The following DYRK1A variants were observed in gnomAD, a reference collection of about 807,000 sequenced individuals.
DYRK1A encodes dual specificity tyrosine-phosphorylation-regulated kinase 1A.
A neutral mutation model predicts 79.7 loss-of-function variants in DYRK1A; 9 were observed. The ratio of observed to expected loss-of-function variants is 0.11; its 90% CI spans 0.07 to 0.20. The LOEUF is 0.20. Among genes scored for constraint, DYRK1A ranks in the 10% least tolerant of loss-of-function variants. The probability of loss-of-function intolerance (pLI) is 1.00; values close to 1 mark genes in which losing one functional copy is unlikely to be tolerated. For missense variants in DYRK1A, 622 were observed against 956.0 expected (o/e 0.65, Z 4.61); for synonymous variants, 349 against 329.7 (o/e 1.06, Z -0.63).
rs561379009 is a variant in DYRK1A at position 37,371,882 on chromosome 21, C to G, written c.-77+4254C>G. On this transcript the variant is annotated intron_variant, in intron 1 of 11. Transcript: ENST00000647188. ...TAACATCCCTGTTCATTAAATAACCCCCTAATTTTTCTTGAGTGTATAACA... is the reference window on the plus strand; with the variant it reads ...TAACATCCCTGTTCATTAAATAACCGCCTAATTTTTCTTGAGTGTATAACA... 1.3e-3 allele frequency among the ~76,000 whole-genome samples: 198 copies of G among 152,132 alleles called. 1 individual carries two copies. Among genetic ancestry groups the G allele is most frequent in the Admixed American group, 3.9e-3 (60 of 15,278 alleles).
At chr21:37,505,191 C>CAT in intron 9 of DYRK1A, 92 bp from the exon 10 acceptor site, 1 of 1,066,552 alleles carries the variant, frequency 9.4e-7, no homozygotes, top group South Asian at 1.6e-5. Flanking sequence ...AAGGCCTCAA[C>CAT]ATATATATTT....
At chr21:37,505,769 G>T (rs769705139) in intron 10 of DYRK1A, among the ~76,000 whole-genome samples, 180 bp downstream of exon 10, 11 of 152,122 alleles carry the variant, frequency 7.2e-5, no homozygotes, top group Non-Finnish European at 1.0e-4. Flanking sequence ...ATTTAGTTAC[G>T]CATGTAATAA....
In DYRK1A at chr21:37,370,493, C is replaced by G. The variant is rs144189662; in HGVS notation, c.-77+2865C>G. On this transcript the variant is annotated intron_variant, in intron 1 of 11. Coordinates refer to ENST00000647188, the MANE Select transcript of DYRK1A (RefSeq NM_001347721.2). ...AAGAGTGGGCTTCACTTGTGACTTT[C>G]TTGGTATTTGTGATTAGGCGTGTGC... 7.0e-3 allele frequency among the ~76,000 whole-genome samples: 1,070 copies of G among 152,210 alleles called. 14 individuals carry two copies. The highest frequency in any genetic ancestry group is 0.025 in the African/African-American group (1,027 of 41,522).
In DYRK1A at chr21:37,403,652, T is replaced by A. The variant is rs1361964158; in HGVS notation, c.-76-16647T>A. Among the ~76,000 whole-genome samples the A allele has an allele frequency of 2.6e-4, 25 of 96,350 alleles. No individual in the cohort carries two copies. In the South Asian group the frequency reaches 3.5e-3, roughly 14 times the overall value. 63.2% of individuals were successfully genotyped at this position (96,350 alleles called of 152,430 possible). On this transcript the variant is annotated intron_variant, in intron 1 of 11. Coordinates refer to ENST00000647188, the MANE Select transcript of DYRK1A (RefSeq NM_001347721.2). ...AGCTAATTAAAAAAAAAAAAAAATA[T>A]ATATATATATATGTGTGTGTGTGTG...
chr21:37,506,705 TGAA>T (rs1452814494), intron 11 of DYRK1A, among the ~76,000 whole-genome samples: 1 of 152,254 alleles, frequency 6.6e-6, no homozygotes, highest in Non-Finnish European at 1.5e-5. Flanking sequence ...TTAAACCTGT[TGAA>T]GAGGATCTAA....
chr21:37,420,797 A>G (rs1194037361), intron 2 of DYRK1A, among the ~76,000 whole-genome samples: 1 of 151,958 alleles, frequency 6.6e-6, no homozygotes, highest in Non-Finnish European at 1.5e-5. Flanking sequence ...AGGATATTAT[A>G]CCCATACATA....
At chr21:37,496,328 A>C in intron 9 of DYRK1A, 70 bp downstream of exon 9, 24 of 1,458,494 alleles carry the variant, frequency 1.6e-5, no homozygotes, top group South Asian at 2.7e-5. Flanking sequence ...TTTATAGCTC[A>C]TTTTGCATTT....
intron 1 of DYRK1A, among the ~76,000 whole-genome samples, chr21:37,401,395 T>G (rs1379143906): frequency 1.3e-5 from 2 of 152,188 alleles, no homozygotes; most frequent in African/African-American, 2.4e-5. Flanking sequence ...CTGCCTGTTT[T>G]TTACCTTTTA....
chr21:37,458,783 C>T (rs556914338), intron 2 of DYRK1A, among the ~76,000 whole-genome samples: 2 of 152,310 alleles, frequency 1.3e-5, no homozygotes, highest in South Asian at 4.1e-4. Flanking sequence ...ATATAGAGAG[C>T]AGGCCGAGGT....
chr21:37,385,475 A>G lies in DYRK1A; in HGVS notation c.-77+17847A>G, dbSNP rs374570263. On this transcript the variant is annotated intron_variant, in intron 1 of 11. Transcript: ENST00000647188. ...CCATGTGGTCCTTTCTGACACACCC[A>G]CTTACTTTTGCAAAGCCAGTAAAAG... 1.3e-4 allele frequency among the ~76,000 whole-genome samples: 20 copies of G among 152,338 alleles called. No homozygotes were observed. In the East Asian group the frequency reaches 2.5e-3, roughly 19 times the overall value.
intron 1 of DYRK1A, among the ~76,000 whole-genome samples, chr21:37,396,066 C>G (rs540090389): frequency 8.4e-4 from 128 of 152,244 alleles, no homozygotes; most frequent in African/African-American, 2.3e-3. Flanking sequence ...TATCTGTTTT[C>G]TGTGTAGTGC....
rs553304661 is a variant in DYRK1A at position 37,516,395 on chromosome 21, T to G, written c.*3864T>G. On this transcript the variant is annotated 3_prime_UTR_variant, in exon 12 of 12. Coordinates refer to ENST00000647188, the MANE Select transcript of DYRK1A (RefSeq NM_001347721.2). ...GTGTCAGGGAGAGTAGAGGAGAAGT[T>G]CTGATTTTCATAACCCTGGTTTCTT... The G allele has an allele frequency of 6.6e-6, 1 of 152,338 alleles. No individual in the cohort carries two copies. The highest frequency in any genetic ancestry group is 2.1e-4 in the South Asian group (1 of 4,824). 9.4% of individuals were successfully genotyped at this position (152,338 alleles called of 1,614,324 possible). A position where few individuals can be genotyped will look rare whatever the true frequency, so the allele number is the denominator to read the frequency against.
chr21:37,371,808 T>C (rs2049436381), intron 1 of DYRK1A, among the ~76,000 whole-genome samples: 1 of 152,188 alleles, frequency 6.6e-6, no homozygotes, highest in Non-Finnish European at 1.5e-5. Flanking sequence ...CCCAGTGAAC[T>C]GGCTTAACAT....
chr21:37,388,779 A>G (rs9978460), intron 1 of DYRK1A, among the ~76,000 whole-genome samples: 82,633 of 150,816 alleles, frequency 0.55, 23,115 homozygotes, highest in African/African-American at 0.67. Context: ...CGAGTAGCTG[A>G]GACTACAGGT....
chr21:37,378,862 A>G (rs560133359), intron 1 of DYRK1A, among the ~76,000 whole-genome samples: 5 of 152,256 alleles, frequency 3.3e-5, no homozygotes, highest in African/African-American at 1.2e-4. Context: ...GAAGTAAGAC[A>G]ATTATGGGGA....
At chr21:37,418,166 A>G (rs2050394542) in intron 1 of DYRK1A, among the ~76,000 whole-genome samples, 1 of 152,146 alleles carries the variant, frequency 6.6e-6, no homozygotes, top group Non-Finnish European at 1.5e-5. Context: ...TGAAGGAAGG[A>G]TATATGGAAT....
chr21:37,452,853 A>T (rs1316585511), intron 2 of DYRK1A, among the ~76,000 whole-genome samples: 1 of 139,546 alleles, frequency 7.2e-6, no homozygotes, highest in Non-Finnish European at 1.5e-5. Context: ...TTTTGCATTT[A>T]TGCCTTTAAT....
chr21:37,475,810 T>A (rs947956760), intron 3 of DYRK1A, among the ~76,000 whole-genome samples: 1 of 152,166 alleles, frequency 6.6e-6, no homozygotes, highest in Admixed American at 6.5e-5. Context: ...TTTTTTTGAT[T>A]ATATGTGATT....
rs567824298 is a variant in DYRK1A, at chr21:37,478,362, G to T, written c.300+62G>T. The T allele has an allele frequency of 5.9e-6, 9 of 1,519,108 alleles. No homozygotes were observed. The East Asian group carries it at 1.9e-4, about 31-fold the overall frequency. 94.1% of individuals were successfully genotyped at this position (1,519,108 alleles called of 1,614,324 possible). ...AGTATGTCATTGAGAAAAAAAGTGT[G>T]ACCTATTTACCCTAAACTTTTTTTT... On this transcript the variant is annotated intron_variant, in intron 4 of 11. Transcript: ENST00000647188.
Sources: allele counts gnomAD v4.1 joint callset (sites outside exome capture counted in the v4.1 genomes callset), GRCh38; gene constraint gnomAD v4.1.1; transcripts MANE v1.5; gene names NCBI Gene and HGNC (gene_info 2026-07-23, HGNC 2026-07-21).